Variants in TENT4B observed in about 807,000 individuals in gnomAD.
TENT4B encodes terminal nucleotidyltransferase 4B, also known as PAP associated domain containing 5.
A neutral mutation model predicts 75.0 loss-of-function variants in TENT4B; 10 were observed. The observed-to-expected ratio is 0.13, with a 90% CI of 0.08 to 0.23. The LOEUF is 0.23. Ranked by LOEUF, TENT4B falls within the 10% of genes least tolerant of loss-of-function variation. The probability of loss-of-function intolerance (pLI) is 1.00; values close to 1 mark genes in which losing one functional copy is unlikely to be tolerated. For synonymous variants in TENT4B, 350 were observed against 357.7 expected, an observed-to-expected ratio of 0.98 and a Z score of 0.24; for missense variants, 579 against 893.8, an observed-to-expected ratio of 0.65 and a Z score of 4.49.
chr16:50,164,880 C>T (rs1006488752), intron 1 of TENT4B, among the ~76,000 whole-genome samples: 4 of 151,094 alleles, frequency 2.6e-5, no homozygotes, highest in Non-Finnish European at 4.4e-5. Context: ...GGTGAAACTC[C>T]GTCTCTACCA....
Position 50,230,517 on chromosome 16 carries a change from A to T in TENT4B, c.*1189A>T. The T allele has an allele frequency of 1.0e-6, 1 of 977,544 alleles. No homozygotes were observed. Among genetic ancestry groups the T allele is most frequent in the Non-Finnish European group, 1.2e-6 (1 of 822,426 alleles). The allele number at this position is 977,544 out of a possible 1,614,324, so 60.6% of individuals were successfully genotyped here. A position where few individuals can be genotyped will look rare whatever the true frequency, so the allele number is the denominator to read the frequency against. ...CATACTTATAAAAAACTATTTTCTT[A>T]TATTCCACTCTATGCTTTTGGTATT... On this transcript the variant is annotated 3_prime_UTR_variant, in exon 12 of 12. Transcript: ENST00000561678.
chr16:50,183,093 G>A (rs1260232159), intron 1 of TENT4B, among the ~76,000 whole-genome samples: 1 of 149,924 alleles, frequency 6.7e-6, no homozygotes, highest in African/African-American at 2.5e-5. Context: ...ACCCAGGCTG[G>A]AGTGCAATGG....
At chr16:50,207,319 T>G (rs894917480) in intron 1 of TENT4B, among the ~76,000 whole-genome samples, 2 of 152,154 alleles carry the variant, frequency 1.3e-5, no homozygotes, top group African/African-American at 4.8e-5. Context: ...GTAGCTGGGA[T>G]TACAGGCGTG....
chr16:50,187,034 T>C (rs1424032859), intron 1 of TENT4B, among the ~76,000 whole-genome samples: 1 of 152,166 alleles, frequency 6.6e-6, no homozygotes, highest in African/African-American at 2.4e-5. Context: ...GTGCTGAGAT[T>C]ATAGGTGTAA....
chr16:50,183,504 T>G (rs896466988), intron 1 of TENT4B, among the ~76,000 whole-genome samples: 1 of 145,926 alleles, frequency 6.9e-6, no homozygotes, highest in Non-Finnish European at 1.5e-5. Context: ...CTTGTTATAC[T>G]TAGTCACTTA....
chr16:50,155,268 C>CG (rs1555506860), intron 1 of TENT4B, among the ~76,000 whole-genome samples: 1 of 30,082 alleles, frequency 3.3e-5, no homozygotes, highest in Non-Finnish European at 7.5e-5. Flanking sequence ...TTTTGGGTCT[C>CG]GTGGGTGTGT....
Position 50,162,446 on chromosome 16 carries a change from AG to A in TENT4B, c.638+8188del, listed in dbSNP as rs535361296. On this transcript the variant is annotated intron_variant, in intron 1 of 11. Coordinates refer to ENST00000561678, the MANE Select transcript of TENT4B (RefSeq NM_001365324.3). ...CCTATCAACAATATATGAGATATCCAGTTTCTCTGCATCCTTGCTAGCATTT... is the reference window on the plus strand; with the variant it reads ...CCTATCAACAATATATGAGATATCCATTTCTCTGCATCCTTGCTAGCATTT... 2.4e-3 allele frequency among the ~76,000 whole-genome samples: 370 copies of A among 152,306 alleles called. 10 individuals are homozygous for A. Among genetic ancestry groups the A allele is most frequent in the Admixed American group, 0.022 (339 of 15,298 alleles).
At chr16:50,209,517 A>G (rs764654909) in intron 1 of TENT4B, among the ~76,000 whole-genome samples, 8 of 152,232 alleles carry the variant, frequency 5.3e-5, no homozygotes, top group Non-Finnish European at 1.2e-4. Flanking sequence ...CCCCACTGGG[A>G]TATCTTCTGG....
chr16:50,152,976 A>G, upstream of TENT4B: 1 of 1,513,202 alleles, frequency 6.6e-7, no homozygotes, highest in Non-Finnish European at 8.8e-7. Context: ...CACGCTCAGC[A>G]CCGGGGAAGC....
rs1347272995 is a variant in TENT4B at position 50,232,574 on chromosome 16, G to GT, written c.*3247dup. On this transcript the variant is annotated 3_prime_UTR_variant, in exon 12 of 12. Transcript: ENST00000561678. Reference sequence around the variant, plus strand: ...GTGTGACTTGTGTTTGCCTGAACCTGTGGACTAGTGTTTGGGGTTTCTGGA... The same window carrying GT: ...GTGTGACTTGTGTTTGCCTGAACCTGTTGGACTAGTGTTTGGGGTTTCTGGA... 8 of 985,218 alleles carry GT rather than the reference G, an allele frequency of 8.1e-6. No homozygotes were observed. The highest frequency in any genetic ancestry group is 3.5e-5 in the African/African-American group (2 of 57,198). 61.0% of individuals were successfully genotyped at this position (985,218 alleles called of 1,614,324 possible).
rs542255974 is a variant in TENT4B at position 50,231,484 on chromosome 16, A to C, written c.*2156A>C. The C allele has an allele frequency of 3.0e-6, 3 of 985,816 alleles. No individual in the cohort carries two copies. Among genetic ancestry groups the C allele is most frequent in the East Asian group, 1.1e-4 (1 of 8,822 alleles). 61.1% of individuals were successfully genotyped at this position (985,816 alleles called of 1,614,324 possible). ...TGTTGTTTTTTGTTTGTTTTTAAAG[A>C]ATCACCCTCATTGTTGAAAGTAAAT... On this transcript the variant is annotated 3_prime_UTR_variant, in exon 12 of 12. Coordinates refer to ENST00000561678, the MANE Select transcript of TENT4B (RefSeq NM_001365324.3).
rs777391196 is a variant in TENT4B, at chr16:50,154,000, T to TCCTCGGCGTCCTCGCCTC, written c.394_411dup (p.Pro132_Ser137dup). On this transcript the variant is annotated inframe_insertion, in exon 1 of 12. Transcript: ENST00000561678. ...CGGGGCCTGGGCCCGCCGGGCGGGC[T>TCCTCGGCGTCCTCGCCTC]CCTCGGCGTCCTCGCCTCCCTCGGC... The TCCTCGGCGTCCTCGCCTC allele has an allele frequency of 9.6e-5, 147 of 1,533,862 alleles. No individual in the cohort carries two copies. In the East Asian group the frequency reaches 1.5e-3, roughly 16 times the overall value.
chr16:50,154,271 C>T lies in TENT4B; in HGVS notation c.638+12C>T, dbSNP rs540406290. The T allele has an allele frequency of 2.2e-4, 302 of 1,401,882 alleles. No homozygotes were observed. Among genetic ancestry groups the T allele is most frequent in the Non-Finnish European group, 2.7e-4 (293 of 1,084,880 alleles). The allele number at this position is 1,401,882 out of a possible 1,614,324, so 86.8% of individuals were successfully genotyped here. On this transcript the variant is annotated intron_variant, in intron 1 of 11. Transcript: ENST00000561678. ...CAGGGAGTCGTGGGGTGAGTGCTGG[C>T]TCTGCGGCCCGATGGCCTGGCCGGT...
At chr16:50,167,263 A>G (rs1597225747) in intron 1 of TENT4B, among the ~76,000 whole-genome samples, 1 of 152,194 alleles carries the variant, frequency 6.6e-6, no homozygotes, top group African/African-American at 2.4e-5. Flanking sequence ...GAAAGTTTAC[A>G]AGTTTATGTT....
chr16:50,168,885 G>A (rs2038152772), intron 1 of TENT4B, among the ~76,000 whole-genome samples: 2 of 149,526 alleles, frequency 1.3e-5, no homozygotes, highest in East Asian at 2.0e-4. Flanking sequence ...GCCTCAGGTG[G>A]TCCGTCCACT....
chr16:50,205,905 C>T (rs1226614284), intron 1 of TENT4B, among the ~76,000 whole-genome samples: 4 of 152,054 alleles, frequency 2.6e-5, no homozygotes, highest in East Asian at 1.9e-4. Flanking sequence ...ACATGTCTAA[C>T]GCACACAAAA....
chr16:50,213,101 C>G (rs1244817009), intron 2 of TENT4B, among the ~76,000 whole-genome samples: 1 of 151,948 alleles, frequency 6.6e-6, no homozygotes, highest in Non-Finnish European at 1.5e-5. Context: ...GCTCTGTCGC[C>G]CAGGCTGGAG....
At position 50,222,453 on chromosome 16, in the gene TENT4B, G is replaced by T. The variant is rs1376316821; in HGVS notation, c.1167+19G>T. 5.0e-6 allele frequency: 8 copies of T among 1,606,734 alleles called. No individual in the cohort carries two copies. The highest frequency in any genetic ancestry group is 5.9e-6 in the Non-Finnish European group (7 of 1,177,982). On this transcript the variant is annotated intron_variant, in intron 6 of 11. Transcript: ENST00000561678. ...CCTTCAGGTAAGTCATATGGGTATA[G>T]CATGCTAGTGCACACTAAAAGCAAA...
intron 1 of TENT4B, among the ~76,000 whole-genome samples, chr16:50,174,868 G>A (rs1753268197): frequency 6.7e-6 from 1 of 149,266 alleles, no homozygotes; most frequent in African/African-American, 2.5e-5. Flanking sequence ...TCAGCCTCCC[G>A]AGTAGCTGGG....
Sources: gnomAD v4.1 joint callset for allele counts (sites outside exome capture counted in the v4.1 genomes callset) on GRCh38, gnomAD v4.1.1 for gene constraint, MANE v1.5 for transcripts, NCBI Gene and HGNC (gene_info 2026-07-23, HGNC 2026-07-21) for gene names.